The following PHACTR1 variants were observed in gnomAD, a reference collection of about 807,000 sequenced individuals.
PHACTR1 encodes the protein RPEL repeat containing 1.
PHACTR1 carries 16 observed loss-of-function variants against 69.2 expected under a neutral mutation model. That is an observed-to-expected ratio of 0.23 (90% CI 0.16 to 0.35). The LOEUF is 0.35. Among genes scored for constraint, PHACTR1 ranks in the 10% least tolerant of loss-of-function variants. The pLI, the probability that PHACTR1 is intolerant of heterozygous loss-of-function variation, is 1.00. For missense variants in PHACTR1, 510 were observed against 734.7 expected (o/e 0.69, Z 3.54); for synonymous variants, 312 against 284.5 (o/e 1.10, Z -0.97).
chr6:12,900,789 C>T (rs561583944), intron 4 of PHACTR1, among the ~76,000 whole-genome samples: 5 of 152,176 alleles, frequency 3.3e-5, no homozygotes, highest in Non-Finnish European at 7.3e-5. Flanking sequence ...TTTACTTTAT[C>T]TACTTTTCAC....
chr6:12,786,714 A>G (rs1216774709), intron 4 of PHACTR1, among the ~76,000 whole-genome samples: 1 of 152,238 alleles, frequency 6.6e-6, no homozygotes, highest in East Asian at 1.9e-4. Context: ...AAGGTCCATC[A>G]TCATCAGCCT....
chr6:12,829,694 C>T (rs1777201095), intron 4 of PHACTR1, among the ~76,000 whole-genome samples: 1 of 151,842 alleles, frequency 6.6e-6, no homozygotes, highest in African/African-American at 2.4e-5. Context: ...GTGGCTCATG[C>T]CTGTAATCCC....
At chr6:12,910,039 T>C (rs1375580504) in intron 4 of PHACTR1, among the ~76,000 whole-genome samples, 2 of 152,340 alleles carry the variant, frequency 1.3e-5, no homozygotes, top group East Asian at 3.9e-4. Context: ...ACAGAGCTGC[T>C]TAATCTCCCT....
intron 5 of PHACTR1, among the ~76,000 whole-genome samples, chr6:13,056,698 C>T (rs1806836264): frequency 6.6e-6 from 1 of 152,118 alleles, no homozygotes; most frequent in Non-Finnish European, 1.5e-5. Context: ...TGGGAATTTA[C>T]AACCAAGGAG....
At chr6:12,978,397 A>G (rs1582801295) in intron 4 of PHACTR1, among the ~76,000 whole-genome samples, 1 of 152,286 alleles carries the variant, frequency 6.6e-6, no homozygotes, top group East Asian at 1.9e-4. Flanking sequence ...GACCACGTCC[A>G]CACCCCAGCC....
At chr6:12,849,648 T>A (rs987893430) in intron 4 of PHACTR1, among the ~76,000 whole-genome samples, 3 of 152,172 alleles carry the variant, frequency 2.0e-5, no homozygotes, top group African/African-American at 7.2e-5. Context: ...GCAGAACCGA[T>A]GAGGCCTGGC....
chr6:13,171,868 G>A (rs1391129447), intron 6 of PHACTR1, among the ~76,000 whole-genome samples: 1 of 152,170 alleles, frequency 6.6e-6, no homozygotes. Flanking sequence ...CGGGGTTCAA[G>A]TGATTCTCCT....
At chr6:12,831,800 T>C (rs1389728422) in intron 4 of PHACTR1, among the ~76,000 whole-genome samples, 1 of 152,180 alleles carries the variant, frequency 6.6e-6, no homozygotes, top group African/African-American at 2.4e-5. Context: ...GAAAATACAC[T>C]TCTCATTAAT....
intron 4 of PHACTR1, among the ~76,000 whole-genome samples, chr6:12,774,345 A>G (rs1184391128): frequency 6.6e-6 from 1 of 152,110 alleles, no homozygotes; most frequent in Non-Finnish European, 1.5e-5. Flanking sequence ...TTCAAAGGAA[A>G]TATGTTCAAA....
At chr6:13,018,177 C>T (rs1800452106) in intron 4 of PHACTR1, among the ~76,000 whole-genome samples, 1 of 152,100 alleles carries the variant, frequency 6.6e-6, no homozygotes, top group Non-Finnish European at 1.5e-5. Context: ...GAGAGAATGC[C>T]CTGTGAGTTC....
intron 4 of PHACTR1, among the ~76,000 whole-genome samples, chr6:13,043,396 C>A: frequency 6.6e-6 from 1 of 151,748 alleles, no homozygotes; most frequent in African/African-American, 2.4e-5. Context: ...CACTGAACTC[C>A]AGCCTGGGTG....
intron 4 of PHACTR1, among the ~76,000 whole-genome samples, chr6:13,051,313 A>G (rs1043564213): frequency 3.9e-5 from 6 of 152,178 alleles, no homozygotes; most frequent in Admixed American, 3.3e-4. Context: ...TCATAGCCTA[A>G]GCATCTGGTA....
At chr6:13,147,075 T>A (rs577229474) in intron 5 of PHACTR1, among the ~76,000 whole-genome samples, 26 of 152,366 alleles carry the variant, frequency 1.7e-4, no homozygotes, top group Admixed American at 3.9e-4. Flanking sequence ...TAATAGGTGA[T>A]ATATATGTGA....
intron 4 of PHACTR1, among the ~76,000 whole-genome samples, chr6:12,846,875 G>A (rs2127751601): frequency 6.6e-6 from 1 of 152,060 alleles, no homozygotes. Context: ...GGCCGTCTCA[G>A]CTCACTGCAG....
intron 6 of PHACTR1, among the ~76,000 whole-genome samples, chr6:13,170,431 G>C (rs1760430926): frequency 1.3e-5 from 2 of 152,162 alleles, no homozygotes; most frequent in Non-Finnish European, 2.9e-5. Context: ...GTGGGGCATA[G>C]TGGGCATCAA....
At chr6:12,853,195 A>C (rs1186684019) in intron 4 of PHACTR1, among the ~76,000 whole-genome samples, 1 of 152,216 alleles carries the variant, frequency 6.6e-6, no homozygotes, top group Non-Finnish European at 1.5e-5. Context: ...GATAAAAAAC[A>C]ATCCTGGGCT....
intron 10 of PHACTR1, among the ~76,000 whole-genome samples, chr6:13,244,239 G>A (rs564268139): frequency 4.7e-4 from 72 of 152,108 alleles, no homozygotes; most frequent in African/African-American, 1.3e-3. Flanking sequence ...AATAGGTGTC[G>A]GTGACAGACA....
chr6:12,903,819 A>G (rs1188184926), intron 4 of PHACTR1, among the ~76,000 whole-genome samples: 2 of 152,234 alleles, frequency 1.3e-5, no homozygotes, highest in African/African-American at 4.8e-5. Flanking sequence ...ATTTCAGCCT[A>G]CTAACAATTC....
intron 5 of PHACTR1, among the ~76,000 whole-genome samples, chr6:13,119,430 C>A (rs540678186): frequency 6.6e-6 from 1 of 152,322 alleles, no homozygotes; most frequent in South Asian, 2.1e-4. Flanking sequence ...ACTGACCTCA[C>A]TAGTGGGAAA....
Sources: gnomAD v4.1 joint callset for allele counts (sites outside exome capture counted in the v4.1 genomes callset) on GRCh38, gnomAD v4.1.1 for gene constraint, MANE v1.5 for transcripts, NCBI Gene and HGNC (gene_info 2026-07-23, HGNC 2026-07-21) for gene names.